The following VSTM1 variants were observed in gnomAD, a reference collection of about 807,000 sequenced individuals.
VSTM1 encodes the protein V-set and transmembrane domain-containing protein 1.
A neutral mutation model predicts 33.1 loss-of-function variants in VSTM1; 27 were observed. The ratio of observed to expected loss-of-function variants is 0.82; its 90% CI spans 0.60 to 1.12. The LOEUF (loss-of-function observed/expected upper bound fraction) is 1.12. Ranked by LOEUF, VSTM1 falls within the 50% of genes most tolerant of loss-of-function variation. VSTM1 has a pLI of 0.00. For missense variants in VSTM1, 304 were observed against 288.9 expected, an observed-to-expected ratio of 1.05 and a Z score of -0.38; for synonymous variants, 115 against 110.3, an observed-to-expected ratio of 1.04 and a Z score of -0.27.
In VSTM1 at chr19:54,063,844, G is replaced by A; in HGVS notation, c.-67C>T. 6.3e-7 allele frequency: 1 copy of A among 1,577,588 alleles called. No individual in the cohort carries two copies. The highest frequency in any genetic ancestry group is 8.6e-7 in the Non-Finnish European group (1 of 1,157,954). On this transcript the variant is annotated 5_prime_UTR_variant, in exon 1 of 9. Coordinates refer to ENST00000338372, the MANE Select transcript of VSTM1 (RefSeq NM_198481.4). ...ACCCTTCAAAGGCGGAGCGGGACTG[G>A]GCCGGCCGCAGCTCTCCGGCTGCCC...
chr19:54,063,832 G>C lies in VSTM1; in HGVS notation c.-55C>G. ...GCCTTGGGTTTTACCCTTCAAAGGC[G>C]GAGCGGGACTGGGCCGGCCGCAGCT... On this transcript the variant is annotated 5_prime_UTR_variant, in exon 1 of 9. Transcript: ENST00000338372. 6.2e-7 allele frequency: 1 copy of C among 1,606,840 alleles called. No individual in the cohort carries two copies. The highest frequency in any genetic ancestry group is 8.5e-7 in the Non-Finnish European group (1 of 1,175,426).
In VSTM1 at chr19:54,048,407, C is replaced by T. The variant is rs59075055; in HGVS notation, c.394+3003G>A. On this transcript the variant is annotated intron_variant, in intron 4 of 8. Coordinates refer to ENST00000338372, the MANE Select transcript of VSTM1 (RefSeq NM_198481.4). Reference sequence around the variant, plus strand: ...CTGGTATTACAGACGTGAGCCACTGCGCCCGGCAAAGATATTTTATTCTGT... The same window carrying T: ...CTGGTATTACAGACGTGAGCCACTGTGCCCGGCAAAGATATTTTATTCTGT... The T allele has an allele frequency of 6.1e-3, 2,101 of 346,752 alleles. 23 individuals carry two copies. The highest frequency in any genetic ancestry group is 0.025 in the African/African-American group (1,166 of 45,906). 21.5% of individuals were successfully genotyped at this position (346,752 alleles called of 1,614,324 possible).
In VSTM1 at chr19:54,058,450, C is replaced by T. The variant is rs866861625; in HGVS notation, c.211G>A (p.Glu71Lys). 2 of 1,613,908 alleles carry T rather than the reference C, an allele frequency of 1.2e-6. No homozygotes were observed. The highest frequency in any genetic ancestry group is 1.3e-5 in the African/African-American group (1 of 74,876). The change falls in exon 3 of 9, where the codon GAA becomes AAA. Residue 71 changes from glutamate (E) to lysine (K), a missense_variant. By Grantham distance (56) the Glu-to-Lys change is moderately conservative. Transcript: ENST00000338372. Reference protein sequence around the residue: ...RKVNDSGYKQEQSSAENEAEF... With the variant: ...RKVNDSGYKQKQSSAENEAEF... ...GCTTCGTTTTCTGCCGAGCTCTGTTCCTGCTTGTACCCAGAGTCGTTCACC... is the reference window on the plus strand; with the variant it reads ...GCTTCGTTTTCTGCCGAGCTCTGTTTCTGCTTGTACCCAGAGTCGTTCACC...
At chr19:54,042,100 G>A in intron 6 of VSTM1, 69 bp downstream of exon 6, 3 of 1,608,916 alleles carry the variant, frequency 1.9e-6, no homozygotes, top group African/African-American at 2.7e-5. Context: ...GCCAATCCCG[G>A]ATGTGCCAAT....
intron 3 of VSTM1, among the ~76,000 whole-genome samples, chr19:54,056,331 C>T (rs1470419687): frequency 1.5e-5 from 2 of 130,966 alleles, no homozygotes; most frequent in Non-Finnish European, 3.2e-5. Context: ...AAGCAATTCT[C>T]GTGCCTCAGC....
Position 54,058,362 on chromosome 19 carries a change from G to T in VSTM1, c.299C>A (p.Thr100Lys), listed in dbSNP as rs1471474773. 1.9e-6 allele frequency: 3 copies of T among 1,614,100 alleles called. No individual in the cohort carries two copies. Among genetic ancestry groups the T allele is most frequent in the Non-Finnish European group, 2.5e-6 (3 of 1,180,022 alleles). The change falls in exon 3 of 9, where the codon ACA becomes AAA. Residue 100 changes from threonine to lysine, a missense_variant. Coordinates refer to ENST00000338372, the MANE Select transcript of VSTM1 (RefSeq NM_198481.4). ...TTCTGACCACTCATGGGAGGCTGTT[G>T]TCTTGTAGGCACAAAAGTACCTCCC... ...DAGRYFCAYKTTASHEWSESS... is the reference protein window; with the variant it reads ...DAGRYFCAYKKTASHEWSESS...
At chr19:54,042,021 A>C (rs2070305895) in intron 6 of VSTM1, 68 bp from the exon 7 acceptor site, 1 of 1,607,508 alleles carries the variant, frequency 6.2e-7, no homozygotes. Flanking sequence ...AGGGCAATGG[A>C]GGGGAGAGGA....
chr19:54,041,988 G>A lies in VSTM1; in HGVS notation c.516-35C>T, dbSNP rs373444894. ...AGAGACACACGTGAAAGGATGGGAT[G>A]TGAAGATTTCGGGGAGAGGGTGAGG... On this transcript the variant is annotated intron_variant, in intron 6 of 8. Transcript: ENST00000338372. The A allele has an allele frequency of 6.8e-6, 11 of 1,613,890 alleles. No individual in the cohort carries two copies. The African/African-American group carries it at 1.5e-4, about 22-fold the overall frequency.
intron 4 of VSTM1, among the ~76,000 whole-genome samples, chr19:54,049,991 A>ATTTTTTTTTT (rs11297678): frequency 1.0e-5 from 1 of 99,104 alleles, no homozygotes; most frequent in Admixed American, 1.2e-4. Context: ...TAACTTTTTA[A>ATTTTTTTTTT]TTTTTTTTTT....
chr19:54,051,318 C>T (rs1600135655), intron 4 of VSTM1, 92 bp downstream of exon 4: 1 of 1,121,044 alleles, frequency 8.9e-7, no homozygotes, highest in East Asian at 2.7e-5. Context: ...AACAAACAAA[C>T]AAATAAATAA....
chr19:54,049,669 G>A (rs1486964965), intron 4 of VSTM1, among the ~76,000 whole-genome samples: 2 of 152,040 alleles, frequency 1.3e-5, no homozygotes, highest in African/African-American at 4.8e-5. Flanking sequence ...CTCAGAAAAC[G>A]TTCCTGACGT....
Position 54,042,328 on chromosome 19 carries a change from T to C in VSTM1, c.436A>G (p.Ile146Val). 3 of 1,613,382 alleles carry C rather than the reference T, an allele frequency of 1.9e-6. No individual in the cohort carries two copies. The highest frequency in any genetic ancestry group is 2.5e-6 in the Non-Finnish European group (3 of 1,179,874). The stretch of plus-strand genomic sequence containing the variant: ...AAGACTGAGAGGAAGAGGAGAAGGA[T>C]GGAGATGCAGCTGAAGATGGCGACA... ...IFVAIFSCIS[I>V]LLLFLSVFII... The change falls in exon 5 of 9, where the codon ATC becomes GTC. Residue 146 changes from isoleucine to valine, a missense_variant. By Grantham distance (29) the Ile-to-Val change is conservative (BLOSUM62 3). Coordinates refer to ENST00000338372, the MANE Select transcript of VSTM1 (RefSeq NM_198481.4).
rs1302823658 is a variant in VSTM1 at position 54,042,835 on chromosome 19, T to C, written c.395-466A>G. Among the ~76,000 whole-genome samples the C allele has an allele frequency of 1.7e-3, 132 of 75,720 alleles. 3 individuals carry two copies. The highest frequency in any genetic ancestry group is 0.016 in the South Asian group (52 of 3,164). The allele number at this position is 75,720 out of a possible 152,430, so 49.7% of individuals were successfully genotyped here. On this transcript the variant is annotated intron_variant, in intron 4 of 8. Coordinates refer to ENST00000338372, the MANE Select transcript of VSTM1 (RefSeq NM_198481.4). ...ATATATATATATATATATATATATA[T>C]ATACATATATATATATATATACACA...
At chr19:54,041,411 C>G (rs2070258143) in intron 8 of VSTM1, among the ~76,000 whole-genome samples, 1 of 152,042 alleles carries the variant, frequency 6.6e-6, no homozygotes, top group African/African-American at 2.4e-5. Flanking sequence ...AAGCCATTCT[C>G]CTGGCTCAGC....
chr19:54,043,785 CTTCAAACATAT>C (rs1284950064), intron 4 of VSTM1, among the ~76,000 whole-genome samples: 2 of 152,148 alleles, frequency 1.3e-5, no homozygotes, highest in African/African-American at 4.8e-5. Context: ...CAGCTCTTAA[CTTCAAACATAT>C]TTCCTTTTTC....
At chr19:54,042,023 G>A in intron 6 of VSTM1, 70 bp from the exon 7 acceptor site, 1 of 1,606,256 alleles carries the variant, frequency 6.2e-7, no homozygotes, top group South Asian at 1.1e-5. Context: ...GGCAATGGAG[G>A]GGAGAGGAAG....
intron 1 of VSTM1, among the ~76,000 whole-genome samples, chr19:54,060,104 G>T (rs971026974): frequency 2.0e-5 from 3 of 147,604 alleles, no homozygotes; most frequent in Admixed American, 6.8e-5. Context: ...CACCCGCCTC[G>T]GACTCCCAAA....
At chr19:54,042,498 T>G in intron 4 of VSTM1, 129 bp from the exon 5 acceptor site, 2 of 1,342,262 alleles carry the variant, frequency 1.5e-6, no homozygotes, top group Non-Finnish European at 9.9e-7. Flanking sequence ...ACCTCGGAGC[T>G]GGAACTTCCT....
chr19:54,047,460 T>C (rs2070652435), intron 4 of VSTM1, among the ~76,000 whole-genome samples: 1 of 152,078 alleles, frequency 6.6e-6, no homozygotes, highest in South Asian at 2.1e-4. Context: ...ACCCCGCTAA[T>C]TTTTTATATT....
Sources: allele counts gnomAD v4.1 joint callset (sites outside exome capture counted in the v4.1 genomes callset), GRCh38; gene constraint gnomAD v4.1.1; transcripts MANE v1.5; gene names NCBI Gene and HGNC (gene_info 2026-07-23, HGNC 2026-07-21).